Variants in ACOT7 observed in about 807,000 individuals in gnomAD.
ACOT7 encodes acyl-CoA thioesterase 7.
A neutral mutation model predicts 40.2 loss-of-function variants in ACOT7; 12 were observed. That is an observed-to-expected ratio of 0.30 (90% CI 0.19 to 0.48). ACOT7 has a LOEUF of 0.48. Ranked by LOEUF, ACOT7 falls within the 20% of genes least tolerant of loss-of-function variation. The probability of loss-of-function intolerance (pLI) is 0.99; values close to 1 mark genes in which losing one functional copy is unlikely to be tolerated. For missense variants in ACOT7, 395 were observed against 530.8 expected (o/e 0.74, Z 2.51); for synonymous variants, 228 against 219.5 (o/e 1.04, Z -0.34).
intron 6 of ACOT7, among the ~76,000 whole-genome samples, chr1:6,316,371 G>A (rs1419366486): frequency 1.3e-5 from 2 of 152,334 alleles, no homozygotes; most frequent in East Asian, 3.9e-4. Context: ...AGTGCTCGTG[G>A]GCCTGGAAGT....
intron 7 of ACOT7, among the ~76,000 whole-genome samples, chr1:6,293,461 C>T (rs75503220): frequency 0.012 from 1,836 of 152,316 alleles, 41 homozygotes; most frequent in African/African-American, 0.041. Context: ...TCTAAAATGA[C>T]ATTGTGGTCT....
At position 6,320,234 on chromosome 1, in the gene ACOT7, G is replaced by A. The variant is rs567725271; in HGVS notation, c.626-1656C>T. Among the ~76,000 whole-genome samples the A allele has an allele frequency of 4.6e-5, 7 of 152,338 alleles. 1 individual carries two copies. In the South Asian group the frequency reaches 1.2e-3, roughly 27 times the overall value. ...TAGCTTGTCACATAGGACGGGATCC[G>A]AAAAGGAGAGTTTTGTGTTTATGGC... On this transcript the variant is annotated intron_variant, in intron 5 of 8. Coordinates refer to ENST00000361521, the MANE Select transcript of ACOT7 (RefSeq NM_007274.4).
intron 1 of ACOT7, among the ~76,000 whole-genome samples, chr1:6,369,088 A>G (rs1435476560): frequency 6.6e-6 from 1 of 151,470 alleles, no homozygotes; most frequent in Non-Finnish European, 1.5e-5. Flanking sequence ...GGTTAAAGCA[A>G]TTCTTGTGAC....
At chr1:6,331,798 A>C (rs939297205) in intron 4 of ACOT7, among the ~76,000 whole-genome samples, 1 of 152,092 alleles carries the variant, frequency 6.6e-6, no homozygotes, top group Non-Finnish European at 1.5e-5. Flanking sequence ...GCAGCCAGCC[A>C]CACCCACCTG....
At chr1:6,271,723 C>T (rs890517443) in intron 8 of ACOT7, among the ~76,000 whole-genome samples, 8 of 152,244 alleles carry the variant, frequency 5.3e-5, no homozygotes, top group Non-Finnish European at 1.2e-4. Context: ...CAGCAGAAAG[C>T]AGCCGGAAGT....
At position 6,325,991 on chromosome 1, in the gene ACOT7, G is replaced by A. The variant is rs1231200966; in HGVS notation, c.625+1308C>T. Among the ~76,000 whole-genome samples, 3 of 152,176 alleles carry A rather than the reference G, an allele frequency of 2.0e-5. 1 individual carries two copies. In the South Asian group the frequency reaches 6.2e-4, roughly 32 times the overall value. On this transcript the variant is annotated intron_variant, in intron 5 of 8. Coordinates refer to ENST00000361521, the MANE Select transcript of ACOT7 (RefSeq NM_007274.4). ...AGGTCCTCCACCACTGCTGAGGGTG[G>A]AGGCAAAACAGAGAAAGCTGAGTAA...
chr1:6,302,895 A>G (rs1418660195), intron 6 of ACOT7, among the ~76,000 whole-genome samples: 4 of 152,168 alleles, frequency 2.6e-5, no homozygotes, highest in Non-Finnish European at 5.9e-5. Context: ...ATGACAGCAC[A>G]CACAAGACAC....
chr1:6,273,994 G>A (rs1639117125), intron 8 of ACOT7, among the ~76,000 whole-genome samples: 1 of 152,180 alleles, frequency 6.6e-6, no homozygotes, highest in Admixed American at 6.5e-5. Flanking sequence ...CTCTCTTCTT[G>A]TCCTGGTCCG....
chr1:6,338,172 G>T lies in ACOT7; in HGVS notation c.418+1261C>A, dbSNP rs2148443230. Among the ~76,000 whole-genome samples the T allele has an allele frequency of 6.6e-6, 1 of 152,236 alleles. No individual in the cohort carries two copies. Among genetic ancestry groups the T allele is most frequent in the South Asian group, 2.1e-4 (1 of 4,822 alleles). On this transcript the variant is annotated intron_variant, in intron 3 of 8. Coordinates refer to ENST00000361521, the MANE Select transcript of ACOT7 (RefSeq NM_007274.4). This position sits in a 1 kb window ranked among gnomAD's most constrained non-coding sequence, Gnocchi z 4.4. ...CAATGACAAAGGGCACTGCTGACTG[G>T]GCCCTCACAAGCAGGAAGGTCCTAG...
chr1:6,355,464 C>T lies in ACOT7; in HGVS notation c.144-5598G>A, dbSNP rs1027133773. Among the ~76,000 whole-genome samples the T allele has an allele frequency of 1.3e-5, 2 of 152,156 alleles. No individual in the cohort carries two copies. Among genetic ancestry groups the T allele is most frequent in the Non-Finnish European group, 2.9e-5 (2 of 68,038 alleles). On this transcript the variant is annotated intron_variant, in intron 1 of 8. Coordinates refer to ENST00000361521, the MANE Select transcript of ACOT7 (RefSeq NM_007274.4). This position sits in a 1 kb window ranked among gnomAD's most constrained non-coding sequence, Gnocchi z 5.0. ...CTCAGCCTTGCACGAGGAGGAGGAA[C>T]CTTCTCAGAGACCAGCTGTCAGGTG...
chr1:6,335,106 G>T (rs1043242454), intron 3 of ACOT7, among the ~76,000 whole-genome samples: 8 of 152,036 alleles, frequency 5.3e-5, no homozygotes, highest in Non-Finnish European at 8.8e-5. Flanking sequence ...CGAGGCAGGC[G>T]GATCACCTGA....
chr1:6,388,271 G>A (rs1407707180), intron 1 of ACOT7, among the ~76,000 whole-genome samples: 20 of 151,938 alleles, frequency 1.3e-4, no homozygotes, highest in Middle Eastern at 3.4e-3. Context: ...CGCCACGCCC[G>A]CCTAATTTTT....
At chr1:6,364,289 C>A (rs1469312860) in intron 1 of ACOT7, among the ~76,000 whole-genome samples, 1 of 152,216 alleles carries the variant, frequency 6.6e-6, no homozygotes, top group African/African-American at 2.4e-5. Flanking sequence ...CACCTGTAAT[C>A]CCAGCACTTT....
rs568283557 is a variant in ACOT7, at chr1:6,336,129, G to C, written c.419-2561C>G. Among the ~76,000 whole-genome samples, 4 of 152,140 alleles carry C rather than the reference G, an allele frequency of 2.6e-5. No homozygotes were observed. In the East Asian group the frequency reaches 7.7e-4, roughly 29 times the overall value. Reference sequence around the variant, plus strand: ...TGGCAGGCCGAGGCAGGCGGATCACGAGCTCAGAATCGAGACCATGCTGGC... The same window carrying C: ...TGGCAGGCCGAGGCAGGCGGATCACCAGCTCAGAATCGAGACCATGCTGGC... On this transcript the variant is annotated intron_variant, in intron 3 of 8. Coordinates refer to ENST00000361521, the MANE Select transcript of ACOT7 (RefSeq NM_007274.4).
Position 6,311,038 on chromosome 1 carries a change from G to A in ACOT7, c.712+7454C>T, listed in dbSNP as rs1209892503. Among the ~76,000 whole-genome samples, 2 of 152,086 alleles carry A rather than the reference G, an allele frequency of 1.3e-5. No individual in the cohort carries two copies. The highest frequency in any genetic ancestry group is 3.9e-4 in the East Asian group (2 of 5,186). ...CAGGTGTGAGCCACCACGTTCAGCC[G>A]GAATCTGCACTTTTAACAAGCACAA... On this transcript the variant is annotated intron_variant, in intron 6 of 8. Coordinates refer to ENST00000361521, the MANE Select transcript of ACOT7 (RefSeq NM_007274.4). The surrounding 1 kb of genome is among the most constrained non-coding windows in gnomAD (Gnocchi z 5.2).
intron 4 of ACOT7, 137 bp from the exon 5 acceptor site, chr1:6,327,550 A>C (rs1640839115): frequency 8.8e-6 from 6 of 684,764 alleles, no homozygotes; most frequent in Non-Finnish European, 9.8e-6. Context: ...TTTTAATATA[A>C]GTAATAAGAA....
intron 6 of ACOT7, among the ~76,000 whole-genome samples, chr1:6,302,547 C>A (rs1640001862): frequency 6.6e-6 from 1 of 152,088 alleles, no homozygotes; most frequent in African/African-American, 2.4e-5. Context: ...TGTGTTTTCA[C>A]AAATGCACTT....
Position 6,359,428 on chromosome 1 carries a change from C to T in ACOT7, c.144-9562G>A, listed in dbSNP as rs1028475031. The T allele has an allele frequency of 1.3e-5, 2 of 153,108 alleles. No homozygotes were observed. The highest frequency in any genetic ancestry group is 4.8e-5 in the African/African-American group (2 of 41,458). 9.5% of individuals were successfully genotyped at this position (153,108 alleles called of 1,614,324 possible). A position where few individuals can be genotyped will look rare whatever the true frequency, so the allele number is the denominator to read the frequency against. On this transcript the variant is annotated intron_variant, in intron 1 of 8. Coordinates refer to ENST00000361521, the MANE Select transcript of ACOT7 (RefSeq NM_007274.4). The surrounding 1 kb of genome is among the most constrained non-coding windows in gnomAD (Gnocchi z 4.1). ...GTGGACAGGCGGTCCAGCCTCCCCT[C>T]TCCTCAGGCCACACCCCTGTCCTTC...
At position 6,321,716 on chromosome 1, in the gene ACOT7, G is replaced by A. The variant is rs1055378274; in HGVS notation, c.626-3138C>T. ...TTTTTAGTAGAGACGGGGTTTCACC[G>A]TGGTCTGAATCTCCTGACCTCGTGA... On this transcript the variant is annotated intron_variant, in intron 5 of 8. Coordinates refer to ENST00000361521, the MANE Select transcript of ACOT7 (RefSeq NM_007274.4). Among the ~76,000 whole-genome samples, 34 of 152,150 alleles carry A rather than the reference G, an allele frequency of 2.2e-4. 1 individual carries two copies. The highest frequency in any genetic ancestry group is 1.2e-3 in the East Asian group (6 of 5,146).
Sources: allele counts gnomAD v4.1 joint callset (sites outside exome capture counted in the v4.1 genomes callset), GRCh38; gene constraint gnomAD v4.1.1; non-coding constraint Gnocchi (gnomAD v3.1); transcripts MANE v1.5; gene names NCBI Gene and HGNC (gene_info 2026-07-23, HGNC 2026-07-21).